The following EIF4ENIF1 variants were observed in gnomAD, a reference collection of about 807,000 sequenced individuals.
The protein encoded by EIF4ENIF1 is eukaryotic translation initiation factor 4E nuclear import factor 1.
A neutral mutation model predicts 110.5 loss-of-function variants in EIF4ENIF1; 23 were observed. The ratio of observed to expected loss-of-function variants is 0.21; its 90% CI spans 0.15 to 0.29. The LOEUF (loss-of-function observed/expected upper bound fraction) is 0.29. Ranked by LOEUF, EIF4ENIF1 falls within the 10% of genes least tolerant of loss-of-function variation. EIF4ENIF1 has a pLI of 1.00. For missense variants in EIF4ENIF1, 1,031 were observed against 1,221.1 expected, an observed-to-expected ratio of 0.84 and a Z score of 2.32; for synonymous variants, 440 against 437.0, an observed-to-expected ratio of 1.01 and a Z score of -0.09.
chr22:31,447,651 T>C (rs753988634), intron 13 of EIF4ENIF1, 86 bp from the exon 14 acceptor site: 88 of 1,449,012 alleles, frequency 6.1e-5, no homozygotes, highest in Non-Finnish European at 7.1e-5. Flanking sequence ...TAGAAAGGTA[T>C]GTTAAGCAGA....
chr22:31,455,390 TC>T, intron 8 of EIF4ENIF1, 75 bp from the exon 9 acceptor site: 1 of 1,231,504 alleles, frequency 8.1e-7, no homozygotes, highest in Admixed American at 3.4e-5. Flanking sequence ...TATTTTTCTT[TC>T]TTTCTTTTTT....
At chr22:31,464,058 G>A (rs2051091144) in intron 4 of EIF4ENIF1, 91 bp from the exon 5 acceptor site, 9 of 1,474,250 alleles carry the variant, frequency 6.1e-6, no homozygotes, top group Non-Finnish European at 7.2e-6. Flanking sequence ...ATGGGAGGAA[G>A]GGGATGGTTG....
At chr22:31,473,981 A>ATACTG (rs2051481787) in intron 2 of EIF4ENIF1, among the ~76,000 whole-genome samples, 1 of 151,962 alleles carries the variant, frequency 6.6e-6, no homozygotes, top group Non-Finnish European at 1.5e-5. Flanking sequence ...ACTTGGCATC[A>ATACTG]TACTGTAAAG....
At position 31,488,739 on chromosome 22, in the gene EIF4ENIF1, T is replaced by C. The variant is rs1192438621; in HGVS notation, c.-21A>G. On this transcript the variant is annotated 5_prime_UTR_variant, in exon 2 of 19. Transcript: ENST00000330125. ...TCCATGGCTCCTTGGTCTACAATGC[T>C]CTGCACCTGGAAGATAAATCGGCAC... 6.2e-7 allele frequency: 1 copy of C among 1,610,160 alleles called. No individual in the cohort carries two copies. Among genetic ancestry groups the C allele is most frequent in the Non-Finnish European group, 8.5e-7 (1 of 1,178,462 alleles).
At chr22:31,475,936 T>G (rs545787548) in intron 2 of EIF4ENIF1, among the ~76,000 whole-genome samples, 1 of 150,290 alleles carries the variant, frequency 6.7e-6, no homozygotes, top group East Asian at 2.0e-4. Flanking sequence ...TCTGTAGGGT[T>G]AGCACAACTT....
intron 4 of EIF4ENIF1, among the ~76,000 whole-genome samples, chr22:31,465,222 C>G (rs544096716): frequency 4.6e-5 from 7 of 150,936 alleles, no homozygotes; most frequent in Non-Finnish European, 7.4e-5. Flanking sequence ...ACTTGGGAGG[C>G]TGAGGCAGGA....
At position 31,463,816 on chromosome 22, in the gene EIF4ENIF1, A is replaced by G; in HGVS notation, c.450T>C (p.Leu150=). The G allele has an allele frequency of 1.9e-6, 3 of 1,614,072 alleles. No individual in the cohort carries two copies. Among genetic ancestry groups the G allele is most frequent in the Non-Finnish European group, 2.5e-6 (3 of 1,180,026 alleles). Reference sequence around the variant, plus strand: ...TCCCACTGCCAATCCTACGTCCACCAAGCAGACGAAGCCCATCACTATCTT... The same window carrying G: ...TCCCACTGCCAATCCTACGTCCACCGAGCAGACGAAGCCCATCACTATCTT... ...LEKDSDGLRL[L]GGRRIGSGRI... The change falls in exon 5 of 19, where the codon CTT becomes CTC. Residue 150 remains leucine (L), a synonymous_variant. Transcript: ENST00000330125.
Position 31,463,729 on chromosome 22 carries a change from G to A in EIF4ENIF1, c.537C>T (p.Asp179=). The A allele has an allele frequency of 6.2e-7, 1 of 1,609,738 alleles. No homozygotes were observed. Among genetic ancestry groups the A allele is most frequent in the Non-Finnish European group, 8.5e-7 (1 of 1,178,196 alleles). The part of the protein sequence containing the change: ...DHRLSDKDLR[D]LRDRDRERDF... ...CCCTCTCTCGGTCTCTGTCTCTCAA[G>A]TCCCGCAGGTCCTTATCGCTAAGAC... The change falls in exon 5 of 19, where the codon GAC becomes GAT. Residue 179 remains aspartate, a synonymous_variant. Coordinates refer to ENST00000330125, the MANE Select transcript of EIF4ENIF1 (RefSeq NM_019843.4).
chr22:31,440,458 C>G (rs1225130982), intron 18 of EIF4ENIF1, among the ~76,000 whole-genome samples: 3 of 152,176 alleles, frequency 2.0e-5, no homozygotes, highest in Non-Finnish European at 4.4e-5. Flanking sequence ...TCTCAGCCCT[C>G]TCTCCTAACA....
At chr22:31,466,286 G>A (rs1284974882) in intron 4 of EIF4ENIF1, among the ~76,000 whole-genome samples, 3 of 152,146 alleles carry the variant, frequency 2.0e-5, no homozygotes, top group African/African-American at 7.2e-5. Context: ...GGTGGCGCAC[G>A]CCTATAATCC....
chr22:31,443,805 C>CA (rs1264416712), intron 15 of EIF4ENIF1, among the ~76,000 whole-genome samples: 4 of 139,740 alleles, frequency 2.9e-5, no homozygotes, highest in Non-Finnish European at 4.7e-5. Context: ...GGGGAATGAA[C>CA]CTTTTTTTTT....
At chr22:31,458,792 G>GAAT (rs1190618504) in intron 6 of EIF4ENIF1, 142 bp from the exon 7 acceptor site, 2 of 628,498 alleles carry the variant, frequency 3.2e-6, no homozygotes, top group African/African-American at 1.8e-5. Context: ...GTACTTGCAA[G>GAAT]AATAAAACAG....
chr22:31,478,778 C>T (rs6518747), intron 2 of EIF4ENIF1, among the ~76,000 whole-genome samples: 63,708 of 151,038 alleles, frequency 0.42, 13,905 homozygotes, highest in Middle Eastern at 0.53. Flanking sequence ...GGTGAAACCC[C>T]GTCTCTATCA....
intron 3 of EIF4ENIF1, among the ~76,000 whole-genome samples, chr22:31,469,672 C>G (rs192616878): frequency 6.6e-6 from 1 of 152,076 alleles, no homozygotes; most frequent in Non-Finnish European, 1.5e-5. Flanking sequence ...GAAATAAAAG[C>G]TGTTTGTCTG....
At chr22:31,453,684 A>AC (rs774353192) in intron 10 of EIF4ENIF1, among the ~76,000 whole-genome samples, 2 of 152,296 alleles carry the variant, frequency 1.3e-5, no homozygotes, top group Non-Finnish European at 2.9e-5. Flanking sequence ...CATCTTAGAT[A>AC]CTTTACAAAT....
Position 31,489,759 on chromosome 22 carries a change from G to C in EIF4ENIF1, c.-93C>G, listed in dbSNP as rs1469675328. 6.6e-6 allele frequency: 1 copy of C among 151,328 alleles called. No individual in the cohort carries two copies. Among genetic ancestry groups the C allele is most frequent in the Non-Finnish European group, 1.5e-5 (1 of 68,080 alleles). The allele number at this position is 151,328 out of a possible 1,614,324, so 9.4% of individuals were successfully genotyped here. Reference sequence around the variant, plus strand: ...CGCTCCCCTCCCCGCTGCCCGCACCGGTCCCAGCGCCGCTCCCCGCAGCCT... The same window carrying C: ...CGCTCCCCTCCCCGCTGCCCGCACCCGTCCCAGCGCCGCTCCCCGCAGCCT... On this transcript the variant is annotated 5_prime_UTR_variant, in exon 1 of 19. Coordinates refer to ENST00000330125, the MANE Select transcript of EIF4ENIF1 (RefSeq NM_019843.4).
At position 31,447,410 on chromosome 22, in the gene EIF4ENIF1, A is replaced by G; in HGVS notation, c.1988+16T>C. Reference sequence around the variant, plus strand: ...CTTATCCGTAAATCTCCACATGAGCAGGATTAGTAATTTACCTGTTTCTGA... The same window carrying G: ...CTTATCCGTAAATCTCCACATGAGCGGGATTAGTAATTTACCTGTTTCTGA... On this transcript the variant is annotated intron_variant, in intron 14 of 18. Transcript: ENST00000330125. 1 of 1,606,332 alleles carries G rather than the reference A, an allele frequency of 6.2e-7. No individual in the cohort carries two copies.
At chr22:31,469,875 T>A (rs1436088114) in intron 3 of EIF4ENIF1, among the ~76,000 whole-genome samples, 1 of 152,062 alleles carries the variant, frequency 6.6e-6, no homozygotes, top group Non-Finnish European at 1.5e-5. Flanking sequence ...AAAAATATAT[T>A]TTGTAGGCCA....
intron 3 of EIF4ENIF1, among the ~76,000 whole-genome samples, chr22:31,471,203 A>G (rs2051364795): frequency 6.6e-6 from 1 of 152,058 alleles, no homozygotes; most frequent in Non-Finnish European, 1.5e-5. Context: ...GAATGCAAAA[A>G]AAAAGAACCA....
Sources: gnomAD v4.1 joint callset for allele counts (sites outside exome capture counted in the v4.1 genomes callset) on GRCh38, gnomAD v4.1.1 for gene constraint, MANE v1.5 for transcripts, NCBI Gene and HGNC (gene_info 2026-07-23, HGNC 2026-07-21) for gene names.